PPP1R12A: variants seen among roughly 807,000 people sequenced by gnomAD.
The protein encoded by PPP1R12A is myosin binding subunit.
A neutral mutation model predicts 139.6 loss-of-function variants in PPP1R12A; 19 were observed. That is an observed-to-expected ratio of 0.14 (90% CI 0.09 to 0.20). The LOEUF (loss-of-function observed/expected upper bound fraction) is 0.20. PPP1R12A is among the 10% of genes least tolerant of loss of function. The pLI is 1.00. For missense variants in PPP1R12A, 925 were observed against 1,211.5 expected (o/e 0.76, Z 3.51); for synonymous variants, 427 against 420.6 (o/e 1.02, Z -0.19).
intron 3 of PPP1R12A, among the ~76,000 whole-genome samples, chr12:79,840,608 G>A (rs868340624): frequency 7.9e-5 from 12 of 152,162 alleles, no homozygotes; most frequent in African/African-American, 2.9e-4. Flanking sequence ...AGTAAGTTAG[G>A]CTTAATTCTT....
chr12:79,793,806 A>T, intron 19 of PPP1R12A, 57 bp downstream of exon 19: 1 of 1,347,144 alleles, frequency 7.4e-7, no homozygotes, highest in Non-Finnish European at 1.0e-6. Context: ...AACGCAATTT[A>T]AAAGTAATTA....
intron 2 of PPP1R12A, among the ~76,000 whole-genome samples, chr12:79,846,705 A>AG (rs1171551433): frequency 6.6e-6 from 1 of 151,428 alleles, no homozygotes; most frequent in African/African-American, 2.4e-5. Context: ...CTGGGATTAC[A>AG]GGAGTGAGCC....
At chr12:79,833,080 T>TA (rs151319954) in intron 3 of PPP1R12A, among the ~76,000 whole-genome samples, 7,064 of 152,222 alleles carry the variant, frequency 0.046, 228 homozygotes, top group Non-Finnish European at 0.062. Flanking sequence ...TAAAAGCACT[T>TA]ACTCTAAGCA....
chr12:79,881,489 C>G (rs1414060281), intron 1 of PPP1R12A, among the ~76,000 whole-genome samples: 1 of 152,150 alleles, frequency 6.6e-6, no homozygotes, highest in Non-Finnish European at 1.5e-5. Flanking sequence ...CTCTTCAATT[C>G]TATGAAGCCC....
intron 2 of PPP1R12A, among the ~76,000 whole-genome samples, chr12:79,856,147 A>G (rs1395304926): frequency 6.6e-6 from 1 of 152,164 alleles, no homozygotes; most frequent in Non-Finnish European, 1.5e-5. Context: ...TCTTCCAAAA[A>G]AACAGTCTGA....
chr12:79,932,579 T>C (rs1302942175), intron 1 of PPP1R12A, among the ~76,000 whole-genome samples: 1 of 152,158 alleles, frequency 6.6e-6, no homozygotes, highest in Non-Finnish European at 1.5e-5. Flanking sequence ...AGAAAGATAT[T>C]ACGCAAATGG....
chr12:79,882,885 T>C lies in PPP1R12A; in HGVS notation c.238-9947A>G, dbSNP rs192666517. Among the ~76,000 whole-genome samples the C allele has an allele frequency of 2.0e-5, 3 of 152,292 alleles. No individual in the cohort carries two copies. In the East Asian group the frequency reaches 5.8e-4, roughly 29 times the overall value. ...CAGGCGCGGTGGCTCATGCCTGTAA[T>C]CCTAGCACTTTGGGAGGCCGAGGCG... is the stretch of plus-strand genomic sequence containing the variant. On this transcript the variant is annotated intron_variant, in intron 1 of 24. Transcript: ENST00000450142.
rs113891078 is a variant in PPP1R12A, at chr12:79,881,030, T to C, written c.238-8092A>G. On this transcript the variant is annotated intron_variant, in intron 1 of 24. Coordinates refer to ENST00000450142, the MANE Select transcript of PPP1R12A (RefSeq NM_002480.3). ...TATTCATAGAAGATGGTGAACTTAA[T>C]TGATAAATGTTATATATATGCTCTG... Among the ~76,000 whole-genome samples, 1,483 of 152,250 alleles carry C rather than the reference T, an allele frequency of 9.7e-3. 32 individuals are homozygous for C. The highest frequency in any genetic ancestry group is 0.034 in the African/African-American group (1,428 of 41,528).
chr12:79,934,707 A>C lies in PPP1R12A; in HGVS notation c.225T>G (p.Thr75=), dbSNP rs1380548504. Residue 75 remains threonine, a synonymous_variant, in exon 1 of 25, where the codon ACT becomes ACG. Transcript: ENST00000450142. ...GGGGCGCACAGACCTGGTGCAGGGC[A>C]GTGAGTCCGTCCACATTGGCGTAAT... ...DINYANVDGL[T]ALHQACIDDN... 2.6e-6 allele frequency: 4 copies of C among 1,543,288 alleles called. No individual in the cohort carries two copies. The highest frequency in any genetic ancestry group is 2.5e-5 in the East Asian group (1 of 40,684).
intron 1 of PPP1R12A, among the ~76,000 whole-genome samples, chr12:79,880,905 A>G (rs1185597384): frequency 2.0e-5 from 3 of 152,134 alleles, no homozygotes; most frequent in Admixed American, 6.5e-5. Flanking sequence ...AATTTGCACA[A>G]TATTTTAAAT....
intron 3 of PPP1R12A, among the ~76,000 whole-genome samples, chr12:79,836,641 GTTCTTAAATTT>G (rs1244968491): frequency 6.6e-6 from 1 of 152,000 alleles, no homozygotes; most frequent in Non-Finnish European, 1.5e-5. Flanking sequence ...CCTTTCTCTT[GTTCTTAAATTT>G]TTAAAATACT....
At chr12:79,870,307 G>A (rs1030718122) in intron 2 of PPP1R12A, among the ~76,000 whole-genome samples, 3 of 151,946 alleles carry the variant, frequency 2.0e-5, no homozygotes, top group African/African-American at 7.3e-5. Context: ...GCAGACATGG[G>A]GTTTTGTCAT....
At chr12:79,791,388 TATG>T (rs1871833729) in intron 19 of PPP1R12A, among the ~76,000 whole-genome samples, 1 of 152,162 alleles carries the variant, frequency 6.6e-6, no homozygotes, top group South Asian at 2.1e-4. Context: ...AGTGCAGTGA[TATG>T]ATCACAGCTC....
chr12:79,923,837 G>A (rs1887629614), intron 1 of PPP1R12A, among the ~76,000 whole-genome samples: 1 of 152,174 alleles, frequency 6.6e-6, no homozygotes, highest in Admixed American at 6.5e-5. Flanking sequence ...GAGGTCAGGA[G>A]TTTGAGACCG....
intron 1 of PPP1R12A, among the ~76,000 whole-genome samples, chr12:79,897,911 T>C (rs1885276905): frequency 6.6e-6 from 1 of 152,178 alleles, no homozygotes; most frequent in Admixed American, 6.5e-5. Context: ...AGTAATACCA[T>C]TAATTTGCTC....
chr12:79,934,091 C>G (rs1010831131), intron 1 of PPP1R12A, among the ~76,000 whole-genome samples: 2 of 152,082 alleles, frequency 1.3e-5, no homozygotes, highest in Non-Finnish European at 2.9e-5. Flanking sequence ...TGCAGATCAG[C>G]TAATTACACC....
chr12:79,880,730 AAC>A (rs1883561729), intron 1 of PPP1R12A, among the ~76,000 whole-genome samples: 1 of 152,112 alleles, frequency 6.6e-6, no homozygotes, highest in East Asian at 1.9e-4. Flanking sequence ...TGAGCTAAAC[AAC>A]CACCGATATC....
chr12:79,801,024 T>C (rs993567126), intron 14 of PPP1R12A, among the ~76,000 whole-genome samples: 2 of 151,342 alleles, frequency 1.3e-5, no homozygotes, highest in Non-Finnish European at 2.9e-5. Context: ...TGAGCCACTG[T>C]GCCCAGCTCA....
In PPP1R12A at chr12:79,806,151, G is replaced by GT; in HGVS notation, c.1823+14dup. The GT allele has an allele frequency of 6.2e-7, 1 of 1,612,792 alleles. No individual in the cohort carries two copies. The highest frequency in any genetic ancestry group is 8.5e-7 in the Non-Finnish European group (1 of 1,179,014). On this transcript the variant is annotated intron_variant, in intron 13 of 24. Coordinates refer to ENST00000450142, the MANE Select transcript of PPP1R12A (RefSeq NM_002480.3). ...CACACAGTAGACCTGAGCACAAAATGTATCTGTGACTTACCTGCTTTGTGT... is the reference window on the plus strand; with the variant it reads ...CACACAGTAGACCTGAGCACAAAATGTTATCTGTGACTTACCTGCTTTGTGT...
Sources: allele counts gnomAD v4.1 joint callset (sites outside exome capture counted in the v4.1 genomes callset), GRCh38; gene constraint gnomAD v4.1.1; transcripts MANE v1.5; gene names NCBI Gene and HGNC (gene_info 2026-07-23, HGNC 2026-07-21).